The following LRRK2 variants were observed in gnomAD, a reference collection of about 807,000 sequenced individuals.
LRRK2 encodes the protein leucine-rich repeat serine/threonine-protein kinase 2.
A neutral mutation model predicts 302.6 loss-of-function variants in LRRK2; 203 were observed. The ratio of observed to expected loss-of-function variants is 0.67; its 90% CI spans 0.60 to 0.75. The LOEUF is 0.75. Among genes scored for constraint, LRRK2 ranks in the 30% least tolerant of loss-of-function variants. The pLI is 0.00. For missense variants in LRRK2, 2,830 were observed against 2,951.0 expected (o/e 0.96, Z 0.95); for synonymous variants, 1,066 against 1,031.9 (o/e 1.03, Z -0.63).
chr12:40,365,036 T>C lies in LRRK2; in HGVS notation c.7376T>C (p.Met2459Thr). 6.2e-7 allele frequency: 1 copy of C among 1,612,212 alleles called. No homozygotes were observed. Among genetic ancestry groups the C allele is most frequent in the Non-Finnish European group, 8.5e-7 (1 of 1,178,728 alleles). ...YNFCNSVRVM[M>T]TAQLGSLKNV... ...TTTTGTAATTCGGTCAGAGTCATGATGACAGCACAGCTAGGCAAGTTTCTT... is the reference window on the plus strand; with the variant it reads ...TTTTGTAATTCGGTCAGAGTCATGACGACAGCACAGCTAGGCAAGTTTCTT... The change falls in exon 49 of 51, where the codon ATG (methionine) becomes ACG (threonine). Residue 2459 changes from methionine to threonine, a missense_variant. Met to Thr is a moderately conservative substitution (Grantham distance 81). Coordinates refer to ENST00000298910, the MANE Select transcript of LRRK2 (RefSeq NM_198578.4).
intron 33 of LRRK2, among the ~76,000 whole-genome samples, chr12:40,317,292 A>T (rs7132073): frequency 0.13 from 19,954 of 152,166 alleles, 1,580 homozygotes; most frequent in African/African-American, 0.18. Context: ...AAGAAGTGCC[A>T]TCATTTTTAT....
chr12:40,308,464 T>C lies in LRRK2; in HGVS notation c.3960-3T>C, dbSNP rs753116865. On this transcript the variant is annotated splice_region_variant and splice_polypyrimidine_tract_variant and intron_variant, in intron 28 of 50. Transcript: ENST00000298910. The stretch of plus-strand genomic sequence containing the variant: ...TATTTTATTTTTATCTTTCAAATAC[T>C]AGGTTTCTTCAACAGCGATTAAAAA... The C allele has an allele frequency of 6.2e-7, 1 of 1,609,412 alleles. No individual in the cohort carries two copies. Among genetic ancestry groups the C allele is most frequent in the South Asian group, 1.1e-5 (1 of 90,868 alleles).
At chr12:40,335,536 A>G (rs1945842278) in intron 40 of LRRK2, among the ~76,000 whole-genome samples, 1 of 152,136 alleles carries the variant, frequency 6.6e-6, no homozygotes, top group African/African-American at 2.4e-5. Context: ...AGAGTGATTC[A>G]TGTTGGATTC....
At chr12:40,233,888 T>C (rs921710414) in intron 3 of LRRK2, among the ~76,000 whole-genome samples, 1 of 152,254 alleles carries the variant, frequency 6.6e-6, no homozygotes, top group Non-Finnish European at 1.5e-5. Flanking sequence ...TTGAATGTTT[T>C]TGAAGCCTGT....
At chr12:40,295,715 A>C in intron 23 of LRRK2, 71 bp downstream of exon 23, 1 of 1,432,676 alleles carries the variant, frequency 7.0e-7, no homozygotes, top group Admixed American at 1.9e-5. Context: ...AATTTGCATA[A>C]TTAAGTCGTT....
chr12:40,338,013 A>C (rs535407988), intron 40 of LRRK2, among the ~76,000 whole-genome samples: 1 of 152,290 alleles, frequency 6.6e-6, no homozygotes, highest in East Asian at 1.9e-4. Context: ...AGCTTCTCCA[A>C]CTTGTGTTTC....
chr12:40,275,988 A>T (rs1463782107), intron 16 of LRRK2, among the ~76,000 whole-genome samples: 1 of 152,192 alleles, frequency 6.6e-6, no homozygotes, highest in African/African-American at 2.4e-5. Context: ...TTGCACAGAC[A>T]TTATCAGTAA....
At chr12:40,341,174 TG>T (rs11316380) in intron 41 of LRRK2, among the ~76,000 whole-genome samples, 46,077 of 151,982 alleles carry the variant, frequency 0.3, 7,182 homozygotes, top group South Asian at 0.37. Context: ...ATTTAGGGGT[TG>T]GCATTTGTTT....
intron 2 of LRRK2, 79 bp downstream of exon 2, chr12:40,225,719 CGAG>C: frequency 7.7e-7 from 1 of 1,298,158 alleles, no homozygotes; most frequent in Non-Finnish European, 1.1e-6. Context: ...TTAATATAGC[CGAG>C]AGTTCTTGGT....
intron 41 of LRRK2, among the ~76,000 whole-genome samples, chr12:40,343,559 C>T (rs1163666387): frequency 2.0e-5 from 3 of 152,114 alleles, no homozygotes; most frequent in African/African-American, 7.2e-5. Context: ...AGACTTAATT[C>T]ATAAATTTCT....
intron 11 of LRRK2, 59 bp downstream of exon 11, chr12:40,253,075 T>A (rs1942350242): frequency 9.2e-7 from 1 of 1,086,302 alleles, no homozygotes; most frequent in Non-Finnish European, 1.4e-6. Flanking sequence ...TATTTTTAAT[T>A]ATAGAAGCTA....
At chr12:40,345,278 A>C (rs1283994565) in intron 41 of LRRK2, among the ~76,000 whole-genome samples, 1 of 152,202 alleles carries the variant, frequency 6.6e-6, no homozygotes, top group East Asian at 1.9e-4. Context: ...AATTATGTAC[A>C]TTCCCATCAA....
intron 40 of LRRK2, among the ~76,000 whole-genome samples, chr12:40,335,421 T>C (rs1446743818): frequency 6.6e-6 from 1 of 152,224 alleles, no homozygotes; most frequent in Non-Finnish European, 1.5e-5. Context: ...CCTGTACTGA[T>C]CTGCCTTCTA....
intron 18 of LRRK2, among the ~76,000 whole-genome samples, chr12:40,280,789 G>C (rs939815116): frequency 1.3e-5 from 2 of 151,340 alleles, no homozygotes; most frequent in African/African-American, 4.8e-5. Context: ...CCAACCGGTC[G>C]GGTGCGGTGG....
intron 7 of LRRK2, among the ~76,000 whole-genome samples, chr12:40,248,606 C>A (rs1040028339): frequency 5.9e-5 from 9 of 152,098 alleles, no homozygotes; most frequent in Non-Finnish European, 8.8e-5. Flanking sequence ...AAAATTAAAA[C>A]CTCAAGTAAA....
chr12:40,358,092 C>CT (rs76454537), intron 46 of LRRK2, among the ~76,000 whole-genome samples: 16,057 of 145,868 alleles, frequency 0.11, 1,132 homozygotes, highest in Non-Finnish European at 0.15. Flanking sequence ...AAATGGAGTT[C>CT]TTTTTTTTTT....
In LRRK2 at chr12:40,247,355, T is replaced by C. The variant is rs73276871; in HGVS notation, c.839-2471T>C. Among the ~76,000 whole-genome samples the C allele has an allele frequency of 3.6e-3, 546 of 151,536 alleles. 5 individuals are homozygous for C. The highest frequency in any genetic ancestry group is 0.011 in the African/African-American group (474 of 41,474). On this transcript the variant is annotated intron_variant, in intron 7 of 50. Transcript: ENST00000298910. ...TATGACTAAAACTGTAAGATGATAA[T>C]GTTTTAATATTTTCACATTTCTTTC... is the stretch of plus-strand genomic sequence containing the variant.
At chr12:40,304,259 A>G (rs72546325) in intron 27 of LRRK2, 125 bp downstream of exon 27, 1 of 865,720 alleles carries the variant, frequency 1.2e-6, no homozygotes, top group Non-Finnish European at 1.8e-6. Flanking sequence ...TGTTAACTAT[A>G]AATTCCTGTC....
rs529891334 is a variant in LRRK2, at chr12:40,277,920, G to T, written c.1974G>T (p.Leu658Phe). Residue 658 changes from leucine to phenylalanine, a missense_variant, in exon 17 of 51, where the codon TTG becomes TTT. Leu to Phe is a conservative substitution (Grantham distance 22). Coordinates refer to ENST00000298910, the MANE Select transcript of LRRK2 (RefSeq NM_198578.4). ...GFQTILAILK[L>F]SASFSKLLVH... is the part of the protein sequence containing the mutation. ...AGACAATCTTAGCAATCCTCAAATT[G>T]TCAGCATCTTTTTCTAAGCTGCTGG... 9.9e-6 allele frequency: 16 copies of T among 1,611,096 alleles called. No individual in the cohort carries two copies. The highest frequency in any genetic ancestry group is 2.2e-5 in the South Asian group (2 of 90,972).
Sources: allele counts gnomAD v4.1 joint callset (sites outside exome capture counted in the v4.1 genomes callset), GRCh38; gene constraint gnomAD v4.1.1; transcripts MANE v1.5; gene names NCBI Gene and HGNC (gene_info 2026-07-23, HGNC 2026-07-21).